KYAT1: variants seen among roughly 807,000 people sequenced by gnomAD.
KYAT1 encodes the protein kynurenine--oxoglutarate transaminase 1.
In KYAT1, 47 loss-of-function variants were observed where a neutral mutation model predicts 52.4. The ratio of observed to expected loss-of-function variants is 0.90; its 90% confidence interval spans 0.71 to 1.14. The LOEUF (loss-of-function observed/expected upper bound fraction) is 1.14, where lower values mean the gene tolerates loss of function less well. KYAT1 is among the 50% of genes most tolerant of loss of function. The pLI, the probability that KYAT1 is intolerant of heterozygous loss-of-function variation, is 0.00. For synonymous variants in KYAT1, 212 were observed against 209.6 expected (o/e 1.01, Z -0.10); for missense variants, 480 against 557.9 (o/e 0.86, Z 1.41).
At chr9:128,869,381 T>C (rs1836904227) in intron 1 of KYAT1, among the ~76,000 whole-genome samples, 2 of 150,804 alleles carry the variant, frequency 1.3e-5, no homozygotes, top group East Asian at 2.0e-4. Context: ...CAGGGTGGTC[T>C]TGATCTCCTG....
At chr9:128,851,519 A>C (rs981758994) in intron 1 of KYAT1, among the ~76,000 whole-genome samples, 4 of 152,236 alleles carry the variant, frequency 2.6e-5, no homozygotes, top group African/African-American at 9.6e-5. Flanking sequence ...CATGGTTTCC[A>C]GAACAAGGAA....
Position 128,835,480 on chromosome 9 carries a change from C to T in KYAT1, c.1042+1G>A. ...TGCCCAGACCGGCAAGTCTCACTCA[C>T]TGAAGTCTGAGATGTCTGTGATGAG... On this transcript the variant is annotated splice_donor_variant, in intron 10 of 12. Transcript: ENST00000302586. LOFTEE classifies it high-confidence loss of function. 1 of 1,613,918 alleles carries T rather than the reference C, an allele frequency of 6.2e-7. No individual in the cohort carries two copies. The highest frequency in any genetic ancestry group is 1.1e-5 in the South Asian group (1 of 91,082).
intron 3 of KYAT1, chr9:128,842,028 A>T (rs1193930703): frequency 9.9e-6 from 2 of 201,598 alleles, no homozygotes; most frequent in African/African-American, 4.8e-5. Flanking sequence ...TAAATAAATA[A>T]ATATATAAAT....
intron 1 of KYAT1, among the ~76,000 whole-genome samples, chr9:128,863,252 C>G (rs1835703144): frequency 6.6e-6 from 1 of 152,068 alleles, no homozygotes; most frequent in African/African-American, 2.4e-5. Flanking sequence ...GATTAGAACA[C>G]AGGCTTTGAT....
rs1022393133 is a variant in KYAT1 at position 128,833,656 on chromosome 9, A to G, written c.1210-13T>C. 1 of 1,614,230 alleles carries G rather than the reference A, an allele frequency of 6.2e-7. No homozygotes were observed. The highest frequency in any genetic ancestry group is 8.5e-7 in the Non-Finnish European group (1 of 1,180,030). On this transcript the variant is annotated splice_polypyrimidine_tract_variant and intron_variant, in intron 12 of 12. Transcript: ENST00000302586. The stretch of plus-strand genomic sequence containing the variant: ...GCGTGGCTTCATCCTGCGCCAGCAC[A>G]GATTAGTCCTACACTCTCCCCATGT...
intron 1 of KYAT1, among the ~76,000 whole-genome samples, chr9:128,855,115 T>C (rs1834437253): frequency 6.6e-6 from 1 of 152,166 alleles, no homozygotes; most frequent in Non-Finnish European, 1.5e-5. Flanking sequence ...AAGTCTTAGT[T>C]TGGGAAAAAT....
chr9:128,862,835 G>A (rs993723284), intron 1 of KYAT1, among the ~76,000 whole-genome samples: 5 of 152,124 alleles, frequency 3.3e-5, no homozygotes, highest in African/African-American at 1.2e-4. Context: ...TTTGTTTTTT[G>A]ACACAGAGTC....
intron 1 of KYAT1, among the ~76,000 whole-genome samples, chr9:128,866,861 G>A (rs926602596): frequency 1.3e-5 from 2 of 151,394 alleles, no homozygotes; most frequent in African/African-American, 4.9e-5. Context: ...AACTGAGATC[G>A]TGCCACTGCA....
chr9:128,867,218 C>T (rs985271749), intron 1 of KYAT1, among the ~76,000 whole-genome samples: 18 of 152,174 alleles, frequency 1.2e-4, no homozygotes, highest in African/African-American at 4.3e-4. Context: ...CTTGCTCTGT[C>T]ACTCAGTCTG....
At chr9:128,851,288 C>T (rs1356233662) in intron 1 of KYAT1, among the ~76,000 whole-genome samples, 2 of 152,136 alleles carry the variant, frequency 1.3e-5, no homozygotes, top group South Asian at 2.1e-4. Flanking sequence ...ATGCTGAGAA[C>T]GTGAGTATTG....
intron 2 of KYAT1, among the ~76,000 whole-genome samples, chr9:128,843,539 C>T (rs1455320950): frequency 1.3e-5 from 2 of 152,092 alleles, no homozygotes; most frequent in Non-Finnish European, 2.9e-5. Flanking sequence ...CCACCACGCC[C>T]AGCTAATTTT....
chr9:128,880,559 A>G (rs140623404), intron 1 of KYAT1, among the ~76,000 whole-genome samples: 8,405 of 151,672 alleles, frequency 0.055, 276 homozygotes, highest in African/African-American at 0.096. Context: ...CTCCTGCCTC[A>G]GCCTCCCGAG....
intron 1 of KYAT1, chr9:128,847,366 G>T: frequency 9.2e-7 from 1 of 1,090,138 alleles, no homozygotes; most frequent in Non-Finnish European, 1.3e-6. Flanking sequence ...TTTGAAGCCA[G>T]GAACGAGCCA....
chr9:128,862,033 C>T (rs1489254681), intron 1 of KYAT1, among the ~76,000 whole-genome samples: 1 of 152,204 alleles, frequency 6.6e-6, no homozygotes, highest in African/African-American at 2.4e-5. Context: ...GTTAAAAACC[C>T]ACAGTTGCCT....
chr9:128,840,565 A>G (rs1376579487), intron 3 of KYAT1: 1 of 420,042 alleles, frequency 2.4e-6, no homozygotes, highest in Admixed American at 3.2e-5. Context: ...TCTCTAGTTA[A>G]AAGAAAAAAA....
At chr9:128,872,128 CAAAA>C (rs766267199) in intron 1 of KYAT1, among the ~76,000 whole-genome samples, 7 of 57,240 alleles carry the variant, frequency 1.2e-4, no homozygotes, top group Non-Finnish European at 1.4e-4. Context: ...AACTCTGTCT[CAAAA>C]AAAAAAAAAA....
intron 1 of KYAT1, among the ~76,000 whole-genome samples, chr9:128,852,549 CAA>C (rs1834087477): frequency 1.3e-5 from 2 of 152,138 alleles, no homozygotes; most frequent in African/African-American, 2.4e-5. Context: ...GCTGCAGAAA[CAA>C]GAGACAAATT....
At chr9:128,836,726 C>G (rs780056625) in intron 7 of KYAT1, 76 bp downstream of exon 7, 522 of 1,544,792 alleles carry the variant, frequency 3.4e-4, no homozygotes, top group Non-Finnish European at 4.2e-4. Context: ...ACTACCAGGC[C>G]TGCGCTGACT....
At chr9:128,840,734 G>C in intron 3 of KYAT1, 3 of 413,974 alleles carry the variant, frequency 7.2e-6, no homozygotes, top group South Asian at 5.4e-5. Context: ...TTAGTTGTTT[G>C]TTTATTTTTC....
Sources: allele counts gnomAD v4.1 joint callset (sites outside exome capture counted in the v4.1 genomes callset), GRCh38; gene constraint gnomAD v4.1.1; transcripts MANE v1.5; gene names NCBI Gene and HGNC (gene_info 2026-07-23, HGNC 2026-07-21).